XKR9: variants seen among roughly 807,000 people sequenced by gnomAD.
XKR9 encodes the protein XK related 9, also known as XK-related protein 9.
In XKR9, 32 loss-of-function variants were observed where a neutral mutation model predicts 32.0. The observed-to-expected ratio is 1.00, with a 90% CI of 0.76 to 1.34. The LOEUF (loss-of-function observed/expected upper bound fraction) is 1.34, where lower values mean the gene tolerates loss of function less well. Among genes scored for constraint, XKR9 ranks in the 40% most tolerant of loss-of-function variants. The pLI, the probability that XKR9 is intolerant of heterozygous loss-of-function variation, is 0.00. For synonymous variants in XKR9, 168 were observed against 143.4 expected (o/e 1.17, Z -1.22); for missense variants, 546 against 429.7 (o/e 1.27, Z -2.39).
chr8:71,027,635 T>C, the XKR9 span, among the ~76,000 whole-genome samples: 2 of 152,074 alleles, frequency 1.3e-5, no homozygotes, highest in African/African-American at 4.8e-5. Flanking sequence ...TCTTTCCTTT[T>C]AATGACAATG....
chr8:70,734,187 A>G lies in XKR9; in HGVS notation c.885A>G (p.Val295=), dbSNP rs773815820. The part of the protein sequence containing the change: ...CPMSCYYIVR[V]LGTLGILTVF... The stretch of plus-strand genomic sequence containing the variant: ...TGTCTTGTTATTATATTGTTAGGGT[A>G]CTGGGCACTTTGGGGATATTGACTG... Residue 295 remains valine, a synonymous_variant, in exon 5 of 5, where the codon GTA becomes GTG. Transcript: ENST00000408926. 1.2e-6 allele frequency: 2 copies of G among 1,613,518 alleles called. No individual in the cohort carries two copies. The highest frequency in any genetic ancestry group is 1.7e-6 in the Non-Finnish European group (2 of 1,179,694).
the XKR9 span, among the ~76,000 whole-genome samples, chr8:70,922,264 T>G: frequency 3.9e-5 from 6 of 152,236 alleles, no homozygotes; most frequent in Non-Finnish European, 8.8e-5. Context: ...GAACTTAGTC[T>G]TTTTGGCAGA....
chr8:70,749,719 C>A (rs753681687), intron 2 of XKR9, among the ~76,000 whole-genome samples: 1 of 152,176 alleles, frequency 6.6e-6, no homozygotes, highest in East Asian at 1.9e-4. Context: ...TTGGGTGGAA[C>A]GAACCCAGCA....
intron 4 of XKR9, among the ~76,000 whole-genome samples, chr8:70,725,034 CCTT>C (rs1486614477): frequency 6.6e-6 from 1 of 152,154 alleles, no homozygotes; most frequent in Non-Finnish European, 1.5e-5. Context: ...GCAAACACAT[CCTT>C]CTTTACGTGG....
the XKR9 span, among the ~76,000 whole-genome samples, chr8:70,981,363 AGACTG>A: frequency 1.3e-5 from 2 of 152,222 alleles, no homozygotes; most frequent in South Asian, 4.1e-4. Context: ...TGTCTTTAAC[AGACTG>A]GATTAATTGA....
chr8:70,690,517 T>G (rs111488697), intron 3 of XKR9, among the ~76,000 whole-genome samples: 9,152 of 144,910 alleles, frequency 0.063, 395 homozygotes, highest in Non-Finnish European at 0.091. Flanking sequence ...TTTTTTTTTG[T>G]ATTTAGTAGA....
At chr8:70,857,053 A>G in the XKR9 span, among the ~76,000 whole-genome samples, 1,533 of 152,320 alleles carry the variant, frequency 0.01, 24 homozygotes, top group African/African-American at 0.035. Context: ...CTAACATCAC[A>G]ATTAAAAGAA....
intron 3 of XKR9, among the ~76,000 whole-genome samples, chr8:70,692,594 T>G (rs1805120844): frequency 6.6e-6 from 1 of 152,142 alleles, no homozygotes; most frequent in Non-Finnish European, 1.5e-5. Flanking sequence ...TCTTATTTTT[T>G]TGAGACAGAG....
chr8:70,964,183 T>C, the XKR9 span, among the ~76,000 whole-genome samples: 1 of 152,212 alleles, frequency 6.6e-6, no homozygotes, highest in South Asian at 2.1e-4. Flanking sequence ...ATTTTCTCCA[T>C]ATGGCTAGCC....
intron 2 of XKR9, among the ~76,000 whole-genome samples, chr8:70,756,176 T>G (rs1002799677): frequency 1.3e-5 from 2 of 152,178 alleles, no homozygotes; most frequent in African/African-American, 4.8e-5. Context: ...TCAGTTGACC[T>G]TAGATACATG....
the XKR9 span, among the ~76,000 whole-genome samples, chr8:70,946,227 A>G: frequency 6.6e-6 from 1 of 152,164 alleles, no homozygotes; most frequent in Admixed American, 6.5e-5. Context: ...CTCTTTCCCA[A>G]CTGTGCATGC....
the XKR9 span, among the ~76,000 whole-genome samples, chr8:71,009,977 G>A: frequency 6.6e-6 from 1 of 152,230 alleles, no homozygotes; most frequent in Non-Finnish European, 1.5e-5. Flanking sequence ...GTGTGTGGCA[G>A]AGTGAAAAGT....
chr8:70,813,616 C>T, the XKR9 span, among the ~76,000 whole-genome samples: 1 of 152,160 alleles, frequency 6.6e-6, no homozygotes, highest in East Asian at 1.9e-4. Context: ...ACAACCCCAT[C>T]AACAAGTGGG....
the XKR9 span, among the ~76,000 whole-genome samples, chr8:71,037,336 T>G: frequency 6.6e-6 from 1 of 152,192 alleles, no homozygotes; most frequent in Non-Finnish European, 1.5e-5. Context: ...TCATTTTCAT[T>G]ATATTCTTTA....
In XKR9 at chr8:70,679,607, A is replaced by C. The variant is rs180983596; in HGVS notation, c.-278-1174A>C. ...CCATCTAAAGGGGCAGCCACTGCTCATGAAGGACTAATCTAGCATAGAAGA... is the reference window on the plus strand; with the variant it reads ...CCATCTAAAGGGGCAGCCACTGCTCCTGAAGGACTAATCTAGCATAGAAGA... On this transcript the variant is annotated intron_variant, in intron 2 of 4. Transcript: ENST00000408926. 5.3e-5 allele frequency among the ~76,000 whole-genome samples: 8 copies of C among 152,324 alleles called. No individual in the cohort carries two copies. In the East Asian group the frequency reaches 1.3e-3, roughly 26 times the overall value.
the XKR9 span, among the ~76,000 whole-genome samples, chr8:70,935,098 T>G: frequency 1.6e-5 from 2 of 124,804 alleles, no homozygotes; most frequent in Admixed American, 8.3e-5. Context: ...TCCTGTTTCT[T>G]CAGTATATAT....
the XKR9 span, among the ~76,000 whole-genome samples, chr8:70,799,053 A>C: frequency 6.6e-6 from 1 of 152,210 alleles, no homozygotes; most frequent in East Asian, 1.9e-4. Context: ...GTCTCATATA[A>C]ATTTTAAAAT....
At chr8:71,047,111 GA>G in the XKR9 span, among the ~76,000 whole-genome samples, 1 of 152,164 alleles carries the variant, frequency 6.6e-6, no homozygotes, top group African/African-American at 2.4e-5. Context: ...ACAAACAAAT[GA>G]AAAAGCTTTA....
the XKR9 span, among the ~76,000 whole-genome samples, chr8:71,024,871 A>G: frequency 6.6e-6 from 1 of 151,998 alleles, no homozygotes; most frequent in East Asian, 1.9e-4. Context: ...TGGTTGTTCT[A>G]TTTGAAGTAT....
Sources: allele counts gnomAD v4.1 joint callset (sites outside exome capture counted in the v4.1 genomes callset), GRCh38; gene constraint gnomAD v4.1.1; transcripts MANE v1.5; gene names NCBI Gene and HGNC (gene_info 2026-07-23, HGNC 2026-07-21).